Variants in BACH2 observed in about 807,000 individuals in gnomAD.
BACH2 encodes BACH transcriptional regulator 2, also known as transcription regulator protein BACH2.
BACH2 carries 5 observed loss-of-function variants against 61.8 expected under a neutral mutation model. That is an observed-to-expected ratio of 0.08 (90% confidence interval 0.04 to 0.17). The LOEUF (loss-of-function observed/expected upper bound fraction) is 0.17. Ranked by LOEUF, BACH2 falls within the 10% of genes least tolerant of loss-of-function variation. The pLI, the probability that BACH2 is intolerant of heterozygous loss-of-function variation, is 1.00. For missense variants in BACH2, 824 were observed against 1,091.1 expected (o/e 0.76, Z 3.45); for synonymous variants, 446 against 440.1 (o/e 1.01, Z -0.17).
chr6:90,190,145 A>G lies in BACH2; in HGVS notation c.-162+16424T>C, dbSNP rs1264740411. Among the ~76,000 whole-genome samples the G allele has an allele frequency of 2.0e-5, 3 of 152,122 alleles. No individual in the cohort carries two copies. The South Asian group carries it at 6.2e-4, about 31-fold the overall frequency. On this transcript the variant is annotated intron_variant, in intron 4 of 8. Coordinates refer to ENST00000257749, the MANE Select transcript of BACH2 (RefSeq NM_021813.4). ...TTTTTAGTACAGACAGGGTTTCACT[A>G]TGTTGGCCAAACTGGTCTTGAACTC...
intron 6 of BACH2, among the ~76,000 whole-genome samples, chr6:89,982,757 G>C (rs894958489): frequency 3.3e-5 from 5 of 152,046 alleles, no homozygotes; most frequent in Non-Finnish European, 7.4e-5. Context: ...TCTAGGCAAC[G>C]GTGTTTTGGA....
intron 2 of BACH2, among the ~76,000 whole-genome samples, chr6:90,263,884 C>T (rs1771242469): frequency 6.6e-6 from 1 of 152,262 alleles, no homozygotes; most frequent in Non-Finnish European, 1.5e-5. Flanking sequence ...TTGCTCCTAA[C>T]CACAAGTCTA....
At chr6:90,169,483 C>T (rs920867407) in intron 4 of BACH2, among the ~76,000 whole-genome samples, 2 of 152,330 alleles carry the variant, frequency 1.3e-5, no homozygotes, top group East Asian at 3.9e-4. Context: ...AGGACACTAA[C>T]CCAGACATTC....
intron 6 of BACH2, among the ~76,000 whole-genome samples, chr6:89,977,867 G>A (rs192444492): frequency 2.3e-3 from 357 of 152,286 alleles, no homozygotes; most frequent in African/African-American, 8.3e-3. Context: ...TGTCCTGTAC[G>A]AAGACTGTTA....
intron 6 of BACH2, among the ~76,000 whole-genome samples, chr6:89,957,732 G>C (rs1195238498): frequency 6.6e-6 from 1 of 152,058 alleles, no homozygotes. Flanking sequence ...GTAGAGACGG[G>C]GTTTCACTAT....
At chr6:90,055,538 G>C (rs1018704530) in intron 5 of BACH2, among the ~76,000 whole-genome samples, 2 of 151,986 alleles carry the variant, frequency 1.3e-5, no homozygotes, top group African/African-American at 4.8e-5. Flanking sequence ...AACCAAGTTG[G>C]AAAACACTCT....
At chr6:90,011,466 A>C (rs1368071113) in intron 5 of BACH2, among the ~76,000 whole-genome samples, 1 of 149,634 alleles carries the variant, frequency 6.7e-6, no homozygotes, top group Non-Finnish European at 1.5e-5. Flanking sequence ...ACTGAAAATC[A>C]GTTGTTTTTA....
chr6:90,241,052 T>C (rs1327203386), intron 3 of BACH2, among the ~76,000 whole-genome samples: 1 of 150,964 alleles, frequency 6.6e-6, no homozygotes, highest in Non-Finnish European at 1.5e-5. Flanking sequence ...GGAGAATCGC[T>C]TGAACTTGGG....
chr6:90,209,740 C>T (rs1769277612), intron 3 of BACH2, among the ~76,000 whole-genome samples: 1 of 152,180 alleles, frequency 6.6e-6, no homozygotes, highest in Non-Finnish European at 1.5e-5. Context: ...GGATAAATAG[C>T]TTGCACTAAA....
Position 89,932,666 on chromosome 6 carries a change from C to T in BACH2, c.2268G>A (p.Ala756=), listed in dbSNP as rs776040980. Residue 756 remains alanine, a synonymous_variant, in exon 9 of 9, where the codon GCG becomes GCA. Transcript: ENST00000257749. ...PAPLGAEQNI[A]ASQCAVGENV... Reference sequence around the variant, plus strand: ...TTTCCCCCACTGCGCATTGGGAGGCCGCAATGTTCTGCTCAGCACCCAAGG... The same window carrying T: ...TTTCCCCCACTGCGCATTGGGAGGCTGCAATGTTCTGCTCAGCACCCAAGG... The T allele has an allele frequency of 1.6e-5, 26 of 1,614,122 alleles. 1 individual carries two copies. The highest frequency in any genetic ancestry group is 1.6e-4 in the Middle Eastern group (1 of 6,062).
At chr6:89,998,162 C>T (rs890202192) in intron 6 of BACH2, among the ~76,000 whole-genome samples, 6 of 103,920 alleles carry the variant, frequency 5.8e-5, no homozygotes, top group Admixed American at 3.0e-4. Context: ...TTGGCTAAAT[C>T]CCAGCATTTT....
At chr6:90,084,851 G>C (rs7756942) in intron 5 of BACH2, among the ~76,000 whole-genome samples, 41,545 of 151,852 alleles carry the variant, frequency 0.27, 6,485 homozygotes, top group East Asian at 0.67. Context: ...TAGGATAGCA[G>C]TTTGTGAACT....
At position 89,950,157 on chromosome 6, in the gene BACH2, C is replaced by A; in HGVS notation, c.1836+113G>T. 1.6e-6 allele frequency: 2 copies of A among 1,265,556 alleles called. No individual in the cohort carries two copies. Among genetic ancestry groups the A allele is most frequent in the Non-Finnish European group, 2.3e-6 (2 of 869,782 alleles). 78.4% of individuals were successfully genotyped at this position (1,265,556 alleles called of 1,614,324 possible). A position where few individuals can be genotyped will look rare whatever the true frequency, so the allele number is the denominator to read the frequency against. On this transcript the variant is annotated intron_variant, in intron 7 of 8. Coordinates refer to ENST00000257749, the MANE Select transcript of BACH2 (RefSeq NM_021813.4). The surrounding 1 kb of genome is among the most constrained non-coding windows in gnomAD (Gnocchi z 5.3). Reference sequence around the variant, plus strand: ...ATGGGGAAGGCAGTCTCTCTACTGTCATCTTTAATCTTAGCACGTAAGAAC... The same window carrying A: ...ATGGGGAAGGCAGTCTCTCTACTGTAATCTTTAATCTTAGCACGTAAGAAC...
intron 5 of BACH2, among the ~76,000 whole-genome samples, chr6:90,018,212 A>G (rs1778170244): frequency 6.6e-6 from 1 of 152,118 alleles, no homozygotes. Context: ...GCATCTGCTG[A>G]TCAGTACTCT....
intron 5 of BACH2, among the ~76,000 whole-genome samples, chr6:90,060,344 A>C (rs1780620916): frequency 6.6e-6 from 1 of 151,992 alleles, no homozygotes; most frequent in Admixed American, 6.5e-5. Context: ...TTATAGTTCC[A>C]TCTCTTTGTC....
At position 90,022,814 on chromosome 6, in the gene BACH2, T is replaced by C. The variant is rs565507082; in HGVS notation, c.-12-13958A>G. ...TTCTTTGGAAAACAGTTTGGCATTA[T>C]CTAGCAAAGTTGAAGATATGCATAG... On this transcript the variant is annotated intron_variant, in intron 5 of 8. Coordinates refer to ENST00000257749, the MANE Select transcript of BACH2 (RefSeq NM_021813.4). Among the ~76,000 whole-genome samples the C allele has an allele frequency of 7.2e-5, 11 of 152,368 alleles. No homozygotes were observed. In the South Asian group the frequency reaches 2.1e-3, roughly 29 times the overall value.
intron 4 of BACH2, among the ~76,000 whole-genome samples, chr6:90,150,481 G>A (rs939000349): frequency 1.3e-5 from 2 of 151,912 alleles, no homozygotes; most frequent in African/African-American, 2.4e-5. Flanking sequence ...CAATTACTAC[G>A]GCCACTTCAT....
intron 4 of BACH2, among the ~76,000 whole-genome samples, chr6:90,159,418 A>C (rs956667457): frequency 2.0e-5 from 3 of 152,250 alleles, no homozygotes; most frequent in African/African-American, 7.2e-5. Context: ...AAACATCCTA[A>C]AAGTAAAATA....
At chr6:89,993,257 T>A (rs2127775618) in intron 6 of BACH2, among the ~76,000 whole-genome samples, 1 of 152,284 alleles carries the variant, frequency 6.6e-6, no homozygotes, top group East Asian at 1.9e-4. Context: ...ATGCTGTAGA[T>A]TCACATGAAA....
Sources: gnomAD v4.1 joint callset for allele counts (sites outside exome capture counted in the v4.1 genomes callset) on GRCh38, gnomAD v4.1.1 for gene constraint, Gnocchi (gnomAD v3.1) non-coding constraint, MANE v1.5 for transcripts, NCBI Gene and HGNC (gene_info 2026-07-23, HGNC 2026-07-21) for gene names.